Variants in SERTAD4 observed in about 807,000 individuals in gnomAD.
SERTAD4 encodes SERTA domain-containing protein 4.
In SERTAD4, 18 loss-of-function variants were observed where a neutral mutation model predicts 32.9. The ratio of observed to expected loss-of-function variants is 0.55; its 90% CI spans 0.38 to 0.81. SERTAD4 has a LOEUF of 0.81. Among genes scored for constraint, SERTAD4 ranks in the 30% least tolerant of loss-of-function variants. The pLI is 0.00. For synonymous variants in SERTAD4, 150 were observed against 156.4 expected (o/e 0.96, Z 0.30); for missense variants, 383 against 426.0 (o/e 0.90, Z 0.89).
At chr1:210,234,885 A>G (rs988121221) in intron 1 of SERTAD4, among the ~76,000 whole-genome samples, 1 of 152,204 alleles carries the variant, frequency 6.6e-6, no homozygotes, top group Non-Finnish European at 1.5e-5. Flanking sequence ...CTGGAAAAAA[A>G]CAAATTGTAT....
chr1:210,246,437 GA>G, downstream of SERTAD4: 1 of 366,042 alleles, frequency 2.7e-6, no homozygotes, highest in Non-Finnish European at 3.8e-6. Context: ...ACTCACTTAG[GA>G]AAAGCACTTG....
At position 210,233,617 on chromosome 1, in the gene SERTAD4, C is replaced by T. The variant is rs1205122304; in HGVS notation, c.-18+606C>T. On this transcript the variant is annotated intron_variant, in intron 1 of 3. Coordinates refer to ENST00000367012, the MANE Select transcript of SERTAD4 (RefSeq NM_019605.5). ...AGCTGCGCTGCGGGCGGCGGCGGCT[C>T]CTCTGTCCTCAGCTCACCTCCTCGG... 14 of 463,520 alleles carry T rather than the reference C, an allele frequency of 3.0e-5. No individual in the cohort carries two copies. In the Admixed American group the frequency reaches 3.3e-4, roughly 11 times the overall value. 28.7% of individuals were successfully genotyped at this position (463,520 alleles called of 1,614,324 possible).
chr1:210,242,528 ATG>A lies in SERTAD4; in HGVS notation c.*194_*195del, dbSNP rs2084009549. On this transcript the variant is annotated 3_prime_UTR_variant, in exon 4 of 4. Transcript: ENST00000367012. The surrounding 1 kb of genome is among the most constrained non-coding windows in gnomAD (Gnocchi z 4.0). ...GCAGGCATCAGCGAGCTTCTTATAA[ATG>A]TGGTGATTTTTACCAAGGAAACGAT... is the stretch of plus-strand genomic sequence containing the variant. 7.5e-7 allele frequency: 1 copy of A among 1,330,564 alleles called. No individual in the cohort carries two copies. The highest frequency in any genetic ancestry group is 3.6e-5 in the Admixed American group (1 of 27,554). 82.4% of individuals were successfully genotyped at this position (1,330,564 alleles called of 1,614,324 possible).
At chr1:210,233,347 C>T (rs1352127696) in intron 1 of SERTAD4, among the ~76,000 whole-genome samples, 3 of 152,056 alleles carry the variant, frequency 2.0e-5, no homozygotes, top group Non-Finnish European at 4.4e-5. Context: ...ACTCCAGGGG[C>T]GGGTGGGGTC....
At position 210,244,305 on chromosome 1, in the gene SERTAD4, A is replaced by C. The variant is rs2084026909; in HGVS notation, c.*1968A>C. 6.6e-6 allele frequency: 1 copy of C among 152,224 alleles called. No homozygotes were observed. Among genetic ancestry groups the C allele is most frequent in the South Asian group, 2.1e-4 (1 of 4,838 alleles). 9.4% of individuals were successfully genotyped at this position (152,224 alleles called of 1,614,324 possible). A position where few individuals can be genotyped will look rare whatever the true frequency, so the allele number is the denominator to read the frequency against. ...TAAGTTTAAGTTTCTATTGATTAAGAAGCACAATGTTAATAGATGATGTGG... is the reference window on the plus strand; with the variant it reads ...TAAGTTTAAGTTTCTATTGATTAAGCAGCACAATGTTAATAGATGATGTGG... On this transcript the variant is annotated 3_prime_UTR_variant, in exon 4 of 4. Coordinates refer to ENST00000367012, the MANE Select transcript of SERTAD4 (RefSeq NM_019605.5).
chr1:210,238,261 C>T (rs1047934021), intron 2 of SERTAD4, 126 bp downstream of exon 2: 12 of 623,742 alleles, frequency 1.9e-5, no homozygotes, highest in Admixed American at 9.3e-5. Context: ...AGGGACTTCC[C>T]GGGCTGCCTG....
At chr1:210,235,101 C>A (rs540205473) in intron 1 of SERTAD4, among the ~76,000 whole-genome samples, 1 of 152,090 alleles carries the variant, frequency 6.6e-6, no homozygotes, top group Admixed American at 6.5e-5. Context: ...CTCTAACACC[C>A]TCCTGTTGAA....
intron 1 of SERTAD4, among the ~76,000 whole-genome samples, chr1:210,234,974 G>C (rs937845373): frequency 6.6e-6 from 1 of 152,292 alleles, no homozygotes; most frequent in Non-Finnish European, 1.5e-5. Flanking sequence ...GGGGATGCTG[G>C]AAGTGTCATT....
chr1:210,234,285 C>T lies in SERTAD4; in HGVS notation c.-18+1274C>T, dbSNP rs536378369. 6.5e-4 allele frequency among the ~76,000 whole-genome samples: 99 copies of T among 152,006 alleles called. 1 individual carries two copies. The highest frequency in any genetic ancestry group is 1.3e-3 in the Non-Finnish European group (86 of 67,988). On this transcript the variant is annotated intron_variant, in intron 1 of 3. Coordinates refer to ENST00000367012, the MANE Select transcript of SERTAD4 (RefSeq NM_019605.5). ...CCCTCCAAACCTCGGACCCCACCCCCGCAACCGCCACACACACACACACCT... is the reference window on the plus strand; with the variant it reads ...CCCTCCAAACCTCGGACCCCACCCCTGCAACCGCCACACACACACACACCT...
chr1:210,243,093 C>CAAAAAAAAAAAAAAAAAAAAAAAAA lies in SERTAD4; in HGVS notation c.*778_*779insAAAAAAAAAAAAAAAAAAAAAAAAA, dbSNP rs57426441. 1 of 364,236 alleles carries CAAAAAAAAAAAAAAAAAAAAAAAAA rather than the reference C, an allele frequency of 2.7e-6. No homozygotes were observed. The highest frequency in any genetic ancestry group is 3.3e-6 in the Non-Finnish European group (1 of 301,370). The allele number at this position is 364,236 out of a possible 1,614,324, so 22.6% of individuals were successfully genotyped here. The stretch of plus-strand genomic sequence containing the variant: ...TACAGCAGGGATTTAACAAACAGGA[C>CAAAAAAAAAAAAAAAAAAAAAAAAA]AAAAAAAAAAAAAAAAAAAAAACCA... On this transcript the variant is annotated 3_prime_UTR_variant, in exon 4 of 4. Transcript: ENST00000367012.
intron 1 of SERTAD4, 70 bp from the exon 2 acceptor site, chr1:210,237,874 G>C: frequency 8.1e-7 from 1 of 1,241,570 alleles, no homozygotes; most frequent in Non-Finnish European, 1.1e-6. Context: ...AAGATGCCAA[G>C]GCCGTCCCTT....
At chr1:210,234,733 TG>T (rs1009406804) in intron 1 of SERTAD4, among the ~76,000 whole-genome samples, 22 of 152,124 alleles carry the variant, frequency 1.4e-4, no homozygotes, top group African/African-American at 4.8e-4. Context: ...CAATGACAGA[TG>T]GAAGAAGAAG....
intron 1 of SERTAD4, among the ~76,000 whole-genome samples, chr1:210,235,194 G>A (rs972246203): frequency 6.6e-6 from 1 of 152,220 alleles, no homozygotes; most frequent in African/African-American, 2.4e-5. Context: ...ACACGAATTT[G>A]TGGACTTGAA....
chr1:210,236,447 G>A (rs1220155870), intron 1 of SERTAD4, among the ~76,000 whole-genome samples: 1 of 152,182 alleles, frequency 6.6e-6, no homozygotes, highest in Non-Finnish European at 1.5e-5. Flanking sequence ...AGACCTCAGA[G>A]AGAAGACTGG....
chr1:210,239,873 A>T (rs897036318), intron 3 of SERTAD4, among the ~76,000 whole-genome samples: 16 of 152,122 alleles, frequency 1.1e-4, no homozygotes, highest in Non-Finnish European at 1.9e-4. Flanking sequence ...ATGATTTAAT[A>T]TTTCTCAGAC....
chr1:210,240,320 G>C (rs1182533642), intron 3 of SERTAD4, among the ~76,000 whole-genome samples: 1 of 152,162 alleles, frequency 6.6e-6, no homozygotes, highest in Non-Finnish European at 1.5e-5. Flanking sequence ...GCAGGTATAA[G>C]CACAGACCAT....
rs973509167 is a variant in SERTAD4 at position 210,242,460 on chromosome 1, C to T, written c.*123C>T. 4 of 1,444,564 alleles carry T rather than the reference C, an allele frequency of 2.8e-6. No homozygotes were observed. In the Admixed American group the frequency reaches 1.2e-4, roughly 43 times the overall value. 89.5% of individuals were successfully genotyped at this position (1,444,564 alleles called of 1,614,324 possible). ...AAATTATGCCATGAACATGCCATGT[C>T]GTTTTAATGCCTGGAGAGCAGATTG... On this transcript the variant is annotated 3_prime_UTR_variant, in exon 4 of 4. Transcript: ENST00000367012. This position sits in a 1 kb window ranked among gnomAD's most constrained non-coding sequence, Gnocchi z 4.0.
intron 1 of SERTAD4, among the ~76,000 whole-genome samples, chr1:210,237,089 A>G (rs931882536): frequency 2.6e-5 from 4 of 152,184 alleles, no homozygotes; most frequent in Non-Finnish European, 4.4e-5. Context: ...TGCCTCTTGG[A>G]AAGTTCCTGC....
Position 210,244,753 on chromosome 1 carries a change from C to G in SERTAD4, c.*2416C>G, listed in dbSNP as rs2147851950. On this transcript the variant is annotated 3_prime_UTR_variant, in exon 4 of 4. Coordinates refer to ENST00000367012, the MANE Select transcript of SERTAD4 (RefSeq NM_019605.5). ...ACAAAGTTGGTGATTTTCAGCAGCA[C>G]TCACCTGAGCTGTGAGCGCCTGCAC... 1 of 152,220 alleles carries G rather than the reference C, an allele frequency of 6.6e-6. No homozygotes were observed. The highest frequency in any genetic ancestry group is 1.9e-4 in the East Asian group (1 of 5,184). The allele number at this position is 152,220 out of a possible 1,614,324, so 9.4% of individuals were successfully genotyped here.
Sources: gnomAD v4.1 joint callset for allele counts (sites outside exome capture counted in the v4.1 genomes callset) on GRCh38, gnomAD v4.1.1 for gene constraint, Gnocchi (gnomAD v3.1) non-coding constraint, MANE v1.5 for transcripts, NCBI Gene and HGNC (gene_info 2026-07-23, HGNC 2026-07-21) for gene names.